The following UTRN variants were observed in gnomAD, a reference collection of about 807,000 sequenced individuals.
The protein encoded by UTRN is dystrophin-related protein 1.
In UTRN, 283 loss-of-function variants were observed where a neutral mutation model predicts 463.9. The ratio of observed to expected loss-of-function variants is 0.61; its 90% CI spans 0.55 to 0.67. The LOEUF is 0.67. Ranked by LOEUF, UTRN falls within the 30% of genes least tolerant of loss-of-function variation. UTRN has a pLI of 0.00. For missense variants in UTRN, 3,922 were observed against 4,084.3 expected, an observed-to-expected ratio of 0.96 and a Z score of 1.08; for synonymous variants, 1,442 against 1,431.5, an observed-to-expected ratio of 1.01 and a Z score of -0.17.
chr6:144,477,090 G>C (rs1176044683), intron 25 of UTRN, among the ~76,000 whole-genome samples: 1 of 152,192 alleles, frequency 6.6e-6, no homozygotes, highest in East Asian at 1.9e-4. Context: ...CACCGTCTAA[G>C]TGAAGATGTT....
intron 45 of UTRN, among the ~76,000 whole-genome samples, chr6:144,541,690 T>C (rs962971806): frequency 1.3e-5 from 2 of 152,224 alleles, no homozygotes; most frequent in Non-Finnish European, 2.9e-5. Flanking sequence ...GCATTCCTTC[T>C]AACTCAAAGA....
At chr6:144,711,337 A>C (rs910422387) in intron 53 of UTRN, among the ~76,000 whole-genome samples, 7 of 151,002 alleles carry the variant, frequency 4.6e-5, no homozygotes, top group Non-Finnish European at 8.8e-5. Context: ...ACAAACAAAA[A>C]AAAAAAAGCA....
chr6:144,657,201 G>C (rs547303687), intron 51 of UTRN, among the ~76,000 whole-genome samples: 1 of 138,874 alleles, frequency 7.2e-6, no homozygotes, highest in East Asian at 2.3e-4. Context: ...GCTGAGCTGA[G>C]ATCGCGCCAT....
intron 12 of UTRN, 61 bp downstream of exon 12, chr6:144,438,956 C>G (rs1786858066): frequency 1.3e-6 from 2 of 1,552,888 alleles, no homozygotes; most frequent in South Asian, 2.3e-5. Flanking sequence ...CACTTAGCAT[C>G]TCAGAGGCTG....
At chr6:144,308,447 G>T (rs1452730198) in intron 2 of UTRN, among the ~76,000 whole-genome samples, 3 of 151,966 alleles carry the variant, frequency 2.0e-5, no homozygotes, top group Non-Finnish European at 2.9e-5. Context: ...GTGCCACCAC[G>T]CCTGGCTAAT....
At position 144,482,258 on chromosome 6, in the gene UTRN, A is replaced by G. The variant is rs978791662; in HGVS notation, c.3557A>G (p.Lys1186Arg). The change falls in exon 27 of 75, where the codon AAG becomes AGG. Residue 1186 changes from lysine (K) to arginine (R), a missense_variant. Lys to Arg is a conservative substitution (Grantham distance 26). Coordinates refer to ENST00000367545, the MANE Select transcript of UTRN (RefSeq NM_007124.3). ...AAGGAGGTGAGAGTGAAGATTCTCA[A>G]GGACAACATCAAGTTATTAGCTGCC... is the stretch of plus-strand genomic sequence containing the variant. ...LQKEVRVKILKDNIKLLAAKV... is the reference protein window; with the variant it reads ...LQKEVRVKILRDNIKLLAAKV... 1.2e-6 allele frequency: 2 copies of G among 1,605,318 alleles called. No individual in the cohort carries two copies. Among genetic ancestry groups the G allele is most frequent in the Non-Finnish European group, 1.7e-6 (2 of 1,177,076 alleles).
At chr6:144,327,678 T>C (rs1209614652) in intron 2 of UTRN, among the ~76,000 whole-genome samples, 2 of 152,178 alleles carry the variant, frequency 1.3e-5, no homozygotes, top group Admixed American at 6.5e-5. Context: ...TCATGGTGGC[T>C]CATGCCTGTA....
chr6:144,725,913 T>C (rs940350041), intron 53 of UTRN, among the ~76,000 whole-genome samples: 1 of 152,258 alleles, frequency 6.6e-6, no homozygotes, highest in Non-Finnish European at 1.5e-5. Flanking sequence ...GTATTTGTAC[T>C]TACTTGGCAT....
intron 19 of UTRN, 24 bp from the exon 20 acceptor site, chr6:144,458,746 T>C: frequency 6.4e-7 from 1 of 1,558,260 alleles, no homozygotes; most frequent in Non-Finnish European, 8.6e-7. Context: ...ATAGACTGTT[T>C]GCTTGTTTTT....
intron 19 of UTRN, among the ~76,000 whole-genome samples, chr6:144,455,062 TAC>T (rs142660252): frequency 4.0e-5 from 6 of 151,154 alleles, no homozygotes; most frequent in Admixed American, 6.6e-5. Flanking sequence ...GATATGTGTA[TAC>T]ACACACACAC....
At chr6:144,495,149 C>T (rs902509597) in intron 33 of UTRN, among the ~76,000 whole-genome samples, 3 of 152,216 alleles carry the variant, frequency 2.0e-5, no homozygotes, top group Non-Finnish European at 2.9e-5. Flanking sequence ...CGTGGGCTTG[C>T]ACTCCTCAGC....
chr6:144,741,090 A>C (rs1790017486), intron 54 of UTRN, among the ~76,000 whole-genome samples: 1 of 152,256 alleles, frequency 6.6e-6, no homozygotes, highest in African/African-American at 2.4e-5. Flanking sequence ...AGAAAACTGG[A>C]ATCTTCCAAG....
At chr6:144,386,373 G>A (rs61269020) in intron 2 of UTRN, among the ~76,000 whole-genome samples, 17,387 of 152,054 alleles carry the variant, frequency 0.11, 1,134 homozygotes, top group Admixed American at 0.19. Flanking sequence ...TGGGAGAATC[G>A]CTTGAGCCTC....
chr6:144,549,335 G>T (rs1257740570), intron 47 of UTRN, among the ~76,000 whole-genome samples: 1 of 152,170 alleles, frequency 6.6e-6, no homozygotes. Flanking sequence ...GTTCTGGGCT[G>T]TGAGTGGTAC....
At chr6:144,557,387 C>T (rs1451980382) in intron 50 of UTRN, 76 bp downstream of exon 50, 3 of 1,485,670 alleles carry the variant, frequency 2.0e-6, no homozygotes, top group African/African-American at 1.4e-5. Context: ...CTCGTGGAAA[C>T]CTGCCAAACA....
intron 21 of UTRN, among the ~76,000 whole-genome samples, chr6:144,460,148 G>A (rs559243394): frequency 6.6e-6 from 1 of 151,882 alleles, no homozygotes; most frequent in South Asian, 2.1e-4. Context: ...GTCTCATACT[G>A]TCTTTTAAAA....
chr6:144,291,572 A>G (rs1804256047), intron 1 of UTRN, among the ~76,000 whole-genome samples, 165 bp from the exon 2 acceptor site: 1 of 152,258 alleles, frequency 6.6e-6, no homozygotes, highest in South Asian at 2.1e-4. Context: ...CCGTAATGGC[A>G]GAGGCTATGT....
At chr6:144,836,724 C>G (rs3737259) in intron 71 of UTRN, 183 bp downstream of exon 71, 4 of 923,330 alleles carry the variant, frequency 4.3e-6, no homozygotes, top group Non-Finnish European at 6.2e-6. Flanking sequence ...CATTGGCACA[C>G]AAAAATGTGT....
chr6:144,713,260 A>AT (rs1357532989), intron 53 of UTRN, among the ~76,000 whole-genome samples: 1 of 152,160 alleles, frequency 6.6e-6, no homozygotes, highest in African/African-American at 2.4e-5. Flanking sequence ...CTCAACCTGT[A>AT]TTGCATATAT....
Sources: gnomAD v4.1 joint callset for allele counts (sites outside exome capture counted in the v4.1 genomes callset) on GRCh38, gnomAD v4.1.1 for gene constraint, MANE v1.5 for transcripts, NCBI Gene and HGNC (gene_info 2026-07-23, HGNC 2026-07-21) for gene names.